SGCD: variants seen among roughly 807,000 people sequenced by gnomAD.
The protein encoded by SGCD is delta-sarcoglycan.
A neutral mutation model predicts 36.6 loss-of-function variants in SGCD; 18 were observed. The observed-to-expected ratio is 0.49, with a 90% CI of 0.34 to 0.73. SGCD has a LOEUF of 0.73. Among genes scored for constraint, SGCD ranks in the 30% least tolerant of loss-of-function variants. The pLI, the probability that SGCD is intolerant of heterozygous loss-of-function variation, is 0.01. For missense variants in SGCD, 387 were observed against 346.7 expected (o/e 1.12, Z -0.92); for synonymous variants, 133 against 130.6 (o/e 1.02, Z -0.12).
chr5:155,871,044 T>A lies in SGCD; in HGVS notation c.-282+620T>A, dbSNP rs1186166868. On this transcript the variant is annotated intron_variant, in intron 1 of 9. Transcript: ENST00000517913. Reference sequence around the variant, plus strand: ...AGTGTATCATATGATTGATTTCGGTTTTTTTTTGCAACTTTTCTGTAGAGA... The same window carrying A: ...AGTGTATCATATGATTGATTTCGGTATTTTTTTGCAACTTTTCTGTAGAGA... 2.0e-5 allele frequency among the ~76,000 whole-genome samples: 3 copies of A among 151,982 alleles called. No homozygotes were observed. The East Asian group carries it at 5.8e-4, about 29-fold the overall frequency.
At chr5:156,724,938 A>G (rs1242220913) in intron 7 of SGCD, among the ~76,000 whole-genome samples, 1 of 152,232 alleles carries the variant, frequency 6.6e-6, no homozygotes, top group Non-Finnish European at 1.5e-5. Flanking sequence ...GCAGTAAAAT[A>G]TAATGTAAGA....
intron 1 of SGCD, among the ~76,000 whole-genome samples, chr5:155,874,484 AGAG>A (rs1755724492): frequency 6.6e-6 from 1 of 152,188 alleles, no homozygotes; most frequent in African/African-American, 2.4e-5. Flanking sequence ...AGTGCACAGA[AGAG>A]GAGAAAACAT....
At chr5:156,086,825 T>C (rs1761107951) in intron 1 of SGCD, among the ~76,000 whole-genome samples, 1 of 152,186 alleles carries the variant, frequency 6.6e-6, no homozygotes, top group African/African-American at 2.4e-5. Flanking sequence ...AGAAAAGATA[T>C]TTAAAAATAG....
chr5:156,596,542 C>T (rs1373257275), intron 6 of SGCD, among the ~76,000 whole-genome samples: 1 of 152,092 alleles, frequency 6.6e-6, no homozygotes, highest in East Asian at 1.9e-4. Context: ...GGTACGTTTA[C>T]CTGAAATTAT....
intron 3 of SGCD, among the ~76,000 whole-genome samples, chr5:156,289,579 C>CT (rs570170534): frequency 5.9e-5 from 9 of 151,786 alleles, no homozygotes; most frequent in South Asian, 2.1e-4. Context: ...ATTGCTTCTT[C>CT]TTTTTTTTAT....
intron 4 of SGCD, among the ~76,000 whole-genome samples, chr5:156,554,658 T>A (rs1252429260): frequency 6.7e-6 from 1 of 148,736 alleles, no homozygotes; most frequent in Non-Finnish European, 1.5e-5. Flanking sequence ...ATATATATAT[T>A]ATATATCTAA....
At chr5:155,957,938 T>C (rs181728689) in intron 1 of SGCD, among the ~76,000 whole-genome samples, 1 of 152,118 alleles carries the variant, frequency 6.6e-6, no homozygotes. Flanking sequence ...GGTGCAGAGT[T>C]GTAGGTAGGT....
At chr5:156,261,469 G>A (rs1193904864) in intron 3 of SGCD, among the ~76,000 whole-genome samples, 2 of 152,198 alleles carry the variant, frequency 1.3e-5, no homozygotes, top group Non-Finnish European at 2.9e-5. Context: ...TGACGTCACA[G>A]CCATCATAAT....
intron 3 of SGCD, among the ~76,000 whole-genome samples, chr5:156,457,861 A>C (rs1488758311): frequency 6.6e-6 from 1 of 152,184 alleles, no homozygotes. Context: ...ATGTGTATGC[A>C]AGTGATGGTG....
At chr5:156,107,312 G>A (rs1003218713) in intron 1 of SGCD, among the ~76,000 whole-genome samples, 1 of 152,090 alleles carries the variant, frequency 6.6e-6, no homozygotes, top group Admixed American at 6.6e-5. Flanking sequence ...ATCAGAAGTT[G>A]TGGGCCCTCT....
In SGCD at chr5:156,090,422, C is replaced by A. The variant is rs536375751; in HGVS notation, c.-281-27456C>A. On this transcript the variant is annotated intron_variant, in intron 1 of 9. Transcript: ENST00000517913. Reference sequence around the variant, plus strand: ...CATATTGGTAGGACTGTGATGGCGACCTCGAGCTGCAAAACTAGCAAATTT... The same window carrying A: ...CATATTGGTAGGACTGTGATGGCGAACTCGAGCTGCAAAACTAGCAAATTT... Among the ~76,000 whole-genome samples the A allele has an allele frequency of 3.5e-3, 535 of 152,176 alleles. 4 individuals carry two copies. The highest frequency in any genetic ancestry group is 6.8e-3 in the Non-Finnish European group (461 of 68,010).
chr5:156,450,850 G>T (rs1160706868), intron 3 of SGCD, among the ~76,000 whole-genome samples: 1 of 151,990 alleles, frequency 6.6e-6, no homozygotes, highest in Non-Finnish European at 1.5e-5. Flanking sequence ...TATATCATTT[G>T]AAAAGTACTT....
intron 3 of SGCD, among the ~76,000 whole-genome samples, chr5:156,480,622 G>A (rs551387856): frequency 3.7e-4 from 56 of 152,298 alleles, no homozygotes; most frequent in Middle Eastern, 3.4e-3. Flanking sequence ...CACATGGGCC[G>A]TTATAGTAAG....
Position 156,152,964 on chromosome 5 carries a change from TG to T in SGCD, c.-44+28948del, listed in dbSNP as rs1561541661. 1.3e-5 allele frequency among the ~76,000 whole-genome samples: 2 copies of T among 151,682 alleles called. 1 individual carries two copies. The highest frequency in any genetic ancestry group is 4.9e-5 in the African/African-American group (2 of 40,990). On this transcript the variant is annotated intron_variant, in intron 3 of 9. Transcript: ENST00000517913. ...TGGGTTAGTTAGAAAATGAGCTTGGTGGGTTTAGCTTAGCAAAAGTAGGGGA... is the reference window on the plus strand; with the variant it reads ...TGGGTTAGTTAGAAAATGAGCTTGGTGGTTTAGCTTAGCAAAAGTAGGGGA...
intron 1 of SGCD, among the ~76,000 whole-genome samples, chr5:156,058,707 T>C (rs529421918): frequency 6.8e-6 from 1 of 146,796 alleles, no homozygotes; most frequent in Non-Finnish European, 1.5e-5. Context: ...AGTTTGTAGA[T>C]GAAATAATGG....
intron 7 of SGCD, among the ~76,000 whole-genome samples, chr5:156,656,997 G>T (rs1763709918): frequency 6.6e-6 from 1 of 152,108 alleles, no homozygotes; most frequent in African/African-American, 2.4e-5. Context: ...GGGAAACAAG[G>T]ATTAGACAAG....
chr5:156,108,747 T>C (rs1224210484), intron 1 of SGCD, among the ~76,000 whole-genome samples: 1 of 152,118 alleles, frequency 6.6e-6, no homozygotes, highest in East Asian at 1.9e-4. Flanking sequence ...CAATGATCAG[T>C]AGAAACTCAT....
Position 156,765,310 on chromosome 5 carries a change from G to C in SGCD, c.*5920G>C. 6.6e-6 allele frequency: 1 copy of C among 152,154 alleles called. No individual in the cohort carries two copies. Among genetic ancestry groups the C allele is most frequent in the East Asian group, 1.9e-4 (1 of 5,190 alleles). 9.4% of individuals were successfully genotyped at this position (152,154 alleles called of 1,614,324 possible). A position where few individuals can be genotyped will look rare whatever the true frequency, so the allele number is the denominator to read the frequency against. ...TGGGAACACTTGTAGCCAAAGGATT[G>C]TCTGAGGGCAGGAAGACGACACTTG... On this transcript the variant is annotated 3_prime_UTR_variant, in exon 9 of 9. Coordinates refer to ENST00000337851, the MANE Select transcript of SGCD (RefSeq NM_000337.6).
chr5:155,808,558 T>C, the SGCD span, among the ~76,000 whole-genome samples: 3 of 152,324 alleles, frequency 2.0e-5, no homozygotes, highest in East Asian at 3.9e-4. Flanking sequence ...CAGTGAAGAT[T>C]GGATGGCATT....
Sources: gnomAD v4.1 joint callset for allele counts (sites outside exome capture counted in the v4.1 genomes callset) on GRCh38, gnomAD v4.1.1 for gene constraint, MANE v1.5 for transcripts, NCBI Gene and HGNC (gene_info 2026-07-23, HGNC 2026-07-21) for gene names.